The following MYH7B variants were observed in gnomAD, a reference collection of about 807,000 sequenced individuals.
The protein encoded by MYH7B is myosin-7B.
MYH7B carries 205 observed loss-of-function variants against 234.5 expected under a neutral mutation model. The observed-to-expected ratio is 0.87, with a 90% CI of 0.78 to 0.98. MYH7B has a LOEUF of 0.98. MYH7B is among the 50% of genes least tolerant of loss of function. The pLI is 0.00. For synonymous variants in MYH7B, 1,193 were observed against 1,105.0 expected, an observed-to-expected ratio of 1.08 and a Z score of -1.58; for missense variants, 2,652 against 2,633.4, an observed-to-expected ratio of 1.01 and a Z score of -0.15.
intron 1 of MYH7B, among the ~76,000 whole-genome samples, chr20:34,957,331 G>C (rs1162103723): frequency 6.6e-6 from 1 of 152,168 alleles, no homozygotes; most frequent in Non-Finnish European, 1.5e-5. Flanking sequence ...GCCAGAGAAA[G>C]CAGAGAGAGT....
chr20:34,988,792 G>A (rs959601211), intron 19 of MYH7B, among the ~76,000 whole-genome samples: 1 of 148,032 alleles, frequency 6.8e-6, no homozygotes, highest in African/African-American at 2.5e-5. Flanking sequence ...TCATTTCCTC[G>A]AAATCCTTTA....
chr20:34,959,060 G>A (rs533154348), intron 2 of MYH7B, among the ~76,000 whole-genome samples: 106 of 152,350 alleles, frequency 7.0e-4, no homozygotes, highest in Admixed American at 3.9e-3. Flanking sequence ...GCCTTTCAAG[G>A]TAGAAATCGT....
intron 16 of MYH7B, 94 bp downstream of exon 16, chr20:34,987,381 C>A: frequency 6.5e-7 from 1 of 1,532,530 alleles, no homozygotes; most frequent in Non-Finnish European, 8.9e-7. Context: ...CCTTTAACCT[C>A]AGTCTTACCT....
chr20:34,987,025 C>T, intron 15 of MYH7B, 36 bp downstream of exon 15: 1 of 1,610,286 alleles, frequency 6.2e-7, no homozygotes, highest in Non-Finnish European at 8.5e-7. Context: ...TGTGTGGACG[C>T]CTGTGGTGGA....
chr20:34,996,785 G>GCA, intron 30 of MYH7B, 27 bp downstream of exon 30: 3 of 1,598,372 alleles, frequency 1.9e-6, no homozygotes, highest in Non-Finnish European at 2.6e-6. Context: ...AGCAGGTGGG[G>GCA]GCCTTCTGAG....
At chr20:34,994,647 T>A (rs1352250128) in intron 27 of MYH7B, among the ~76,000 whole-genome samples, 1 of 152,052 alleles carries the variant, frequency 6.6e-6, no homozygotes, top group Non-Finnish European at 1.5e-5. Flanking sequence ...GCTCCCCAGC[T>A]CTCCCCTCCC....
chr20:34,979,858 C>T (rs2081916094), intron 7 of MYH7B, 54 bp downstream of exon 7: 7 of 1,577,196 alleles, frequency 4.4e-6, no homozygotes, highest in African/African-American at 1.3e-5. Flanking sequence ...TGGGGCGGGG[C>T]TAGAGATGAG....
At chr20:34,957,484 CTT>C (rs71196770) in intron 1 of MYH7B, among the ~76,000 whole-genome samples, 4 of 104,330 alleles carry the variant, frequency 3.8e-5, no homozygotes, top group Non-Finnish European at 5.7e-5. Context: ...CCTTTTGACT[CTT>C]TTTTTTTTTT....
At chr20:35,001,337 G>T in exon 42 of MYH7B, 1 of 1,609,536 alleles carries the variant, frequency 6.2e-7, no homozygotes, top group South Asian at 1.1e-5. Context: ...GTGTCAAGGA[G>T]CTCGCATACC....
chr20:34,970,599 G>A (rs2147157156), intron 2 of MYH7B, among the ~76,000 whole-genome samples: 1 of 152,330 alleles, frequency 6.6e-6, no homozygotes, highest in Admixed American at 6.5e-5. Context: ...GTTTGAAGTT[G>A]GAAACAATTG....
exon 39 of MYH7B, chr20:35,000,474 G>A: frequency 6.2e-7 from 1 of 1,601,766 alleles, no homozygotes; most frequent in Non-Finnish European, 8.5e-7. Context: ...GCTGATGCAG[G>A]CACAGCTCAA....
intron 2 of MYH7B, among the ~76,000 whole-genome samples, chr20:34,960,397 G>A (rs988035289): frequency 6.6e-6 from 1 of 152,012 alleles, no homozygotes; most frequent in Non-Finnish European, 1.5e-5. Flanking sequence ...CACCACGCCC[G>A]CCTAATTTTT....
At position 34,987,176 on chromosome 20, in the gene MYH7B, G is replaced by A. The variant is rs1055059303; in HGVS notation, c.1036G>A (p.Val346Met). The A allele has an allele frequency of 1.1e-5, 18 of 1,613,272 alleles. No homozygotes were observed. The highest frequency in any genetic ancestry group is 2.7e-5 in the African/African-American group (2 of 74,870). ...TGCCATGGACATCCTAGGCTTCAGCGTGGATGAGAAATGTGCCTGCTATAA... is the reference window on the plus strand; with the variant it reads ...TGCCATGGACATCCTAGGCTTCAGCATGGATGAGAAATGTGCCTGCTATAA... The change falls in exon 16 of 45, where the codon GTG (valine) becomes ATG (methionine). Residue 346 changes from valine (V) to methionine (M), a missense_variant. This residue lies in a region of MYH7B where 2,279 missense variants were observed against 2,211.4 expected (regional missense o/e 1.03). Transcript: ENST00000262873.
rs749823277 is a variant in MYH7B at position 34,994,244 on chromosome 20, G to A, written c.2543G>A (p.Arg848His). 49 of 1,613,016 alleles carry A rather than the reference G, an allele frequency of 3.0e-5. No individual in the cohort carries two copies. The East Asian group carries it at 8.5e-4, about 28-fold the overall frequency. The change falls in exon 27 of 45, where the codon CGC becomes CAC. Residue 848 changes from arginine (R) to histidine (H), a missense_variant. Transcript: ENST00000262873. ...TTTTTCAAGATGAAGCCGCTGCTGC[G>A]CTCGGCGCAGGCTGAGGAGGAGCTG...
In MYH7B at chr20:34,981,185, C is replaced by T. The variant is rs138067524; in HGVS notation, c.527+125C>T. Reference sequence around the variant, plus strand: ...AGGCCAGGACTTTTACCACCTGGAGCTAGTGTCCCAGCTGAAGCTAAATTA... The same window carrying T: ...AGGCCAGGACTTTTACCACCTGGAGTTAGTGTCCCAGCTGAAGCTAAATTA... On this transcript the variant is annotated intron_variant, in intron 9 of 44. Transcript: ENST00000262873. 2,180 of 1,222,128 alleles carry T rather than the reference C, an allele frequency of 1.8e-3. 17 individuals are homozygous for T. The Middle Eastern group carries it at 0.018, about 10-fold the overall frequency. The allele number at this position is 1,222,128 out of a possible 1,614,324, so 75.7% of individuals were successfully genotyped here.
intron 2 of MYH7B, among the ~76,000 whole-genome samples, chr20:34,973,516 A>T (rs2081812209): frequency 6.6e-6 from 1 of 152,184 alleles, no homozygotes; most frequent in Non-Finnish European, 1.5e-5. Context: ...ATCGGAACGA[A>T]CTTCAAAGGT....
exon 32 of MYH7B, chr20:34,997,301 G>C (rs1230966232): frequency 8.4e-6 from 13 of 1,554,030 alleles, no homozygotes; most frequent in Non-Finnish European, 1.1e-5. Flanking sequence ...GGGCAGCCCG[G>C]GCCCGCGTGG....
chr20:34,999,963 T>G, intron 38 of MYH7B, 57 bp downstream of exon 38: 1 of 1,439,422 alleles, frequency 6.9e-7, no homozygotes, highest in Non-Finnish European at 9.7e-7. Context: ...AGGGAAGCAG[T>G]GTGTACTCTG....
intron 2 of MYH7B, among the ~76,000 whole-genome samples, chr20:34,962,501 C>A (rs1208672006): frequency 2.0e-5 from 3 of 152,004 alleles, no homozygotes; most frequent in African/African-American, 7.3e-5. Context: ...TACTTAAGTC[C>A]CTTATATAAA....
Sources: allele counts gnomAD v4.1 joint callset (sites outside exome capture counted in the v4.1 genomes callset), GRCh38; gene constraint gnomAD v4.1.1; regional missense constraint gnomAD v4.1.1; transcripts MANE v1.5; gene names NCBI Gene and HGNC (gene_info 2026-07-23, HGNC 2026-07-21).